Variants in NAV2 observed in about 807,000 individuals in gnomAD.
The protein encoded by NAV2 is neuron navigator 2.
In NAV2, 54 loss-of-function variants were observed where a neutral mutation model predicts 223.2. That is an observed-to-expected ratio of 0.24 (90% CI 0.19 to 0.30). The LOEUF (loss-of-function observed/expected upper bound fraction) is 0.30, where lower values mean the gene tolerates loss of function less well. Among genes scored for constraint, NAV2 ranks in the 10% least tolerant of loss-of-function variants. The pLI is 1.00. For missense variants in NAV2, 2,806 were observed against 3,147.5 expected, an observed-to-expected ratio of 0.89 and a Z score of 2.60; for synonymous variants, 1,279 against 1,239.3, an observed-to-expected ratio of 1.03 and a Z score of -0.67.
chr11:19,642,548 C>T (rs1052508943), intron 1 of NAV2, among the ~76,000 whole-genome samples: 10 of 152,172 alleles, frequency 6.6e-5, no homozygotes, highest in African/African-American at 1.7e-4. Flanking sequence ...CTAAATCATC[C>T]GCTTTGACTT....
chr11:19,353,547 T>G (rs1367342092), intron 1 of NAV2, among the ~76,000 whole-genome samples: 1 of 152,224 alleles, frequency 6.6e-6, no homozygotes, highest in Non-Finnish European at 1.5e-5. Flanking sequence ...GAGTCTACAT[T>G]TTCAACATAG....
At chr11:19,958,906 A>G (rs1016336153) in intron 10 of NAV2, among the ~76,000 whole-genome samples, 1 of 152,222 alleles carries the variant, frequency 6.6e-6, no homozygotes, top group Admixed American at 6.5e-5. Context: ...TCCAGAGTCC[A>G]CGCAGCAGAG....
chr11:19,933,204 C>T lies in NAV2; in HGVS notation c.960C>T (p.His320=). Residue 320 remains histidine (H), a synonymous_variant, in exon 7 of 38, where the codon CAC becomes CAT. Transcript: ENST00000349880. This position sits in a 1 kb window ranked among gnomAD's most constrained non-coding sequence, Gnocchi z 4.3. The stretch of plus-strand genomic sequence containing the variant: ...CTTTGGCAAGTTCAGCCTCCTCCCA[C>T]CCCGGAATGAGTGACAATGCACCTG... The part of the protein sequence containing the change: ...KEPLASSASS[H]PGMSDNAPAS... 3 of 1,549,308 alleles carry T rather than the reference C, an allele frequency of 1.9e-6. No individual in the cohort carries two copies. The highest frequency in any genetic ancestry group is 1.7e-6 in the Non-Finnish European group (2 of 1,146,138).
intron 25 of NAV2, among the ~76,000 whole-genome samples, chr11:20,080,962 T>C (rs2060055919): frequency 1.3e-5 from 2 of 152,212 alleles, no homozygotes; most frequent in South Asian, 4.1e-4. Flanking sequence ...TTGCTATCCC[T>C]TGTCTTCAGT....
intron 11 of NAV2, among the ~76,000 whole-genome samples, chr11:20,035,558 A>G (rs2056267759): frequency 6.6e-6 from 1 of 152,112 alleles, no homozygotes; most frequent in Non-Finnish European, 1.5e-5. Flanking sequence ...CTGACCCGAC[A>G]GGTGCCTGCT....
At chr11:20,043,067 G>A (rs774471940) in intron 12 of NAV2, among the ~76,000 whole-genome samples, 3 of 152,172 alleles carry the variant, frequency 2.0e-5, no homozygotes, top group Non-Finnish European at 4.4e-5. Flanking sequence ...ATAATGCTGG[G>A]GTCGGAGCAG....
chr11:19,928,942 T>C (rs1018400246), intron 6 of NAV2, among the ~76,000 whole-genome samples: 1 of 152,102 alleles, frequency 6.6e-6, no homozygotes, highest in African/African-American at 2.4e-5. Flanking sequence ...CTAGGAGTCA[T>C]AGGACCCCAG....
chr11:19,743,177 T>C (rs905704525), intron 1 of NAV2, among the ~76,000 whole-genome samples: 2 of 152,134 alleles, frequency 1.3e-5, no homozygotes, highest in Non-Finnish European at 2.9e-5. Context: ...ATCCTCAACA[T>C]TTACTCATAA....
chr11:19,933,332 T>A lies in NAV2; in HGVS notation c.1088T>A (p.Leu363His), dbSNP rs775968081. The change falls in exon 7 of 38, where the codon CTC becomes CAC. Residue 363 changes from leucine (L) to histidine (H), a missense_variant. Physicochemically the swap from Leu to His is moderately conservative, Grantham distance 99 (BLOSUM62 -3). Transcript: ENST00000349880. This position sits in a 1 kb window ranked among gnomAD's most constrained non-coding sequence, Gnocchi z 4.3. ...ACCAAGCCTTGGCGCAGCAAATCCC[T>A]CAGCGTGAAGCACAGTGCCACGGTA... Reference protein sequence around the residue: ...AATKPWRSKSLSVKHSATVSM... With the variant: ...AATKPWRSKSHSVKHSATVSM... 1 of 1,612,252 alleles carries A rather than the reference T, an allele frequency of 6.2e-7. No homozygotes were observed. Among genetic ancestry groups the A allele is most frequent in the Admixed American group, 1.7e-5 (1 of 59,794 alleles).
At position 19,965,187 on chromosome 11, in the gene NAV2, G is replaced by T. The variant is rs889440497; in HGVS notation, c.2645+16107G>T. Among the ~76,000 whole-genome samples the T allele has an allele frequency of 4.5e-4, 69 of 152,230 alleles. 1 individual carries two copies. Among genetic ancestry groups the T allele is most frequent in the Admixed American group, 4.5e-3 (69 of 15,284 alleles). Reference sequence around the variant, plus strand: ...TCCTGTTGAGGACACAGGGATTTGGGGGGGCGGGGCCACTGGTAACTTGCC... The same window carrying T: ...TCCTGTTGAGGACACAGGGATTTGGTGGGGCGGGGCCACTGGTAACTTGCC... On this transcript the variant is annotated intron_variant, in intron 10 of 37. Transcript: ENST00000349880.
chr11:19,678,515 A>G (rs921111027), intron 1 of NAV2, among the ~76,000 whole-genome samples: 1 of 152,180 alleles, frequency 6.6e-6, no homozygotes, highest in African/African-American at 2.4e-5. Flanking sequence ...CTGTTTAGTG[A>G]CTGCCTGTTG....
chr11:20,052,951 T>G (rs2153606369), intron 17 of NAV2, among the ~76,000 whole-genome samples: 1 of 152,242 alleles, frequency 6.6e-6, no homozygotes, highest in South Asian at 2.1e-4. Flanking sequence ...GTGCGGTGGC[T>G]CATGCCTGTA....
At chr11:19,965,046 T>C (rs1197117323) in intron 10 of NAV2, among the ~76,000 whole-genome samples, 5 of 152,072 alleles carry the variant, frequency 3.3e-5, no homozygotes, top group Non-Finnish European at 5.9e-5. Flanking sequence ...CTGGAACTCC[T>C]GACCTCAGGT....
intron 1 of NAV2, among the ~76,000 whole-genome samples, chr11:19,690,735 T>A (rs77837100): frequency 0.013 from 1,986 of 152,254 alleles, 47 homozygotes; most frequent in African/African-American, 0.045. Context: ...CTGGTTTTAG[T>A]CCTACCAGCT....
chr11:19,929,618 A>G (rs1374858300), intron 6 of NAV2, among the ~76,000 whole-genome samples: 1 of 152,150 alleles, frequency 6.6e-6, no homozygotes, highest in East Asian at 1.9e-4. Context: ...TAAATACTAC[A>G]TAGAAATTCT....
chr11:19,725,389 C>T (rs573505712), intron 1 of NAV2, among the ~76,000 whole-genome samples: 7 of 152,120 alleles, frequency 4.6e-5, no homozygotes, highest in Non-Finnish European at 1.0e-4. Context: ...CAACTGAGGA[C>T]ACAGAAAGGG....
chr11:19,994,356 A>G (rs1222256137), intron 11 of NAV2, among the ~76,000 whole-genome samples: 1 of 152,068 alleles, frequency 6.6e-6, no homozygotes, highest in Non-Finnish European at 1.5e-5. Context: ...AGGCTAGCCT[A>G]GCCAACATGG....
At chr11:20,005,237 T>TCA (rs1372346832) in intron 11 of NAV2, among the ~76,000 whole-genome samples, 19 of 22,100 alleles carry the variant, frequency 8.6e-4, no homozygotes, top group Admixed American at 2.1e-3. Context: ...TGAGTTTTAA[T>TCA]CATATATATA....
At chr11:19,513,076 C>T (rs1052978873) in intron 1 of NAV2, among the ~76,000 whole-genome samples, 18 of 152,096 alleles carry the variant, frequency 1.2e-4, no homozygotes, top group Admixed American at 2.0e-4. Context: ...GTGATTTCTG[C>T]AGTTGCATTT....
Sources: allele counts gnomAD v4.1 joint callset (sites outside exome capture counted in the v4.1 genomes callset), GRCh38; gene constraint gnomAD v4.1.1; non-coding constraint Gnocchi (gnomAD v3.1); transcripts MANE v1.5; gene names NCBI Gene and HGNC (gene_info 2026-07-23, HGNC 2026-07-21).